TPT1: variants seen among roughly 807,000 people sequenced by gnomAD.
TPT1 encodes the protein translationally-controlled tumor protein.
TPT1 carries 5 observed loss-of-function variants against 22.8 expected under a neutral mutation model. That is an observed-to-expected ratio of 0.22 (90% CI 0.11 to 0.46). The LOEUF is 0.46. Ranked by LOEUF, TPT1 falls within the 20% of genes least tolerant of loss-of-function variation. The probability of loss-of-function intolerance (pLI) is 0.99; values close to 1 mark genes in which losing one functional copy is unlikely to be tolerated. For synonymous variants in TPT1, 89 were observed against 73.6 expected (o/e 1.21, Z -1.07); for missense variants, 130 against 218.7 (o/e 0.59, Z 2.56).
intron 5 of TPT1, chr13:45,338,422 A>C (rs955810719): frequency 2.3e-5 from 17 of 725,680 alleles, no homozygotes; most frequent in Admixed American, 3.9e-5. Flanking sequence ...CCCAGCCTAA[A>C]CTGTACTTTA....
chr13:45,339,275 G>A (rs1225098225), intron 4 of TPT1: 4 of 427,080 alleles, frequency 9.4e-6, no homozygotes, highest in Admixed American at 4.1e-5. Context: ...AAAACTGAAA[G>A]AACACTTAGG....
At chr13:45,337,694 T>C (rs908187894) in intron 5 of TPT1, 2 of 798,880 alleles carry the variant, frequency 2.5e-6, no homozygotes, top group Non-Finnish European at 4.2e-6. Flanking sequence ...AACAAAAACC[T>C]CAGATACTGT....
In TPT1 at chr13:45,335,168, C is replaced by T. The variant is rs575600596; in HGVS notation, c.*2218G>A. ...CAAAACGTCTTGACCCTAGGAATAA[C>T]GAGAAAAAGATATAAAATGAGACAG... On this transcript the variant is annotated 3_prime_UTR_variant, in exon 6 of 6. Transcript: ENST00000530705. 10 of 152,068 alleles carry T rather than the reference C, an allele frequency of 6.6e-5. No homozygotes were observed. The highest frequency in any genetic ancestry group is 2.0e-4 in the Admixed American group (3 of 15,276). The allele number at this position is 152,068 out of a possible 1,614,324, so 9.4% of individuals were successfully genotyped here.
intron 1 of TPT1, 120 bp downstream of exon 1, chr13:45,340,922 C>G: frequency 2.0e-6 from 3 of 1,524,556 alleles, no homozygotes. Flanking sequence ...GCACCGACCC[C>G]TCCGCGCTCG....
intron 4 of TPT1, 79 bp downstream of exon 4, chr13:45,339,418 T>A (rs553357605): frequency 7.6e-7 from 1 of 1,307,972 alleles, no homozygotes; most frequent in African/African-American, 1.5e-5. Context: ...TAGTATAGAA[T>A]TGAAGATTAA....
In TPT1 at chr13:45,341,178, G is replaced by A. The variant is rs1253724647; in HGVS notation, c.-109C>T. 3 of 1,461,420 alleles carry A rather than the reference G, an allele frequency of 2.1e-6. No individual in the cohort carries two copies. The highest frequency in any genetic ancestry group is 2.8e-6 in the Non-Finnish European group (3 of 1,065,730). 90.5% of individuals were successfully genotyped at this position (1,461,420 alleles called of 1,614,324 possible). ...GCTCGGGGGGAGGGGGGAGCGGGCG[G>A]AAAAGGCCGACTCAGCCGCTCCCCA... On this transcript the variant is annotated 5_prime_UTR_variant, in exon 1 of 6. Coordinates refer to ENST00000530705, the MANE Select transcript of TPT1 (RefSeq NM_003295.4).
At chr13:45,337,434 C>T in intron 5 of TPT1, 46 bp from the exon 6 acceptor site, 2 of 1,614,130 alleles carry the variant, frequency 1.2e-6, no homozygotes, top group Non-Finnish European at 1.7e-6. Context: ...CATTACACTG[C>T]AAAAGTTACA....
At chr13:45,340,999 GACCCCCGTGT>G in intron 1 of TPT1, 33 bp downstream of exon 1, 1 of 1,598,492 alleles carries the variant, frequency 6.3e-7, no homozygotes, top group Non-Finnish European at 8.5e-7. Context: ...CCGCACCCCA[GACCCCCGTGT>G]GCGGCAGTAA....
intron 2 of TPT1, 140 bp downstream of exon 2, chr13:45,340,572 C>G (rs978372954): frequency 2.8e-6 from 3 of 1,080,008 alleles, no homozygotes; most frequent in African/African-American, 1.6e-5. Context: ...CTCCAGTTTT[C>G]TAGAAAAACC....
At position 45,336,385 on chromosome 13, in the gene TPT1, G is replaced by C. The variant is rs1011126383; in HGVS notation, c.*1001C>G. 3.3e-5 allele frequency: 5 copies of C among 152,166 alleles called. No individual in the cohort carries two copies. The highest frequency in any genetic ancestry group is 1.3e-4 in the Admixed American group (2 of 15,278). 9.4% of individuals were successfully genotyped at this position (152,166 alleles called of 1,614,324 possible). The stretch of plus-strand genomic sequence containing the variant: ...GAAAGCGCAAGGACATGTTCTTCTT[G>C]CATCTGTGGTGGAAACCATAGCAGC... On this transcript the variant is annotated 3_prime_UTR_variant, in exon 6 of 6. Transcript: ENST00000530705.
At position 45,337,757 on chromosome 13, in the gene TPT1, T is replaced by C. The variant is rs149299436; in HGVS notation, c.517-369A>G. 3.1e-3 allele frequency: 1,811 copies of C among 593,618 alleles called. 6 individuals are homozygous for C. The highest frequency in any genetic ancestry group is 8.0e-3 in the Admixed American group (257 of 32,104). The allele number at this position is 593,618 out of a possible 1,614,324, so 36.8% of individuals were successfully genotyped here. On this transcript the variant is annotated intron_variant, in intron 5 of 5. Transcript: ENST00000530705. ...TATACTGTTCTAAGTAATTTCTGTCTACTGTTGACTCTAATCTTGTTCAGT... is the reference window on the plus strand; with the variant it reads ...TATACTGTTCTAAGTAATTTCTGTCCACTGTTGACTCTAATCTTGTTCAGT...
rs1241342421 is a variant in TPT1 at position 45,334,422 on chromosome 13, ACT to A, written c.*2962_*2963del. Reference sequence around the variant, plus strand: ...TTTCAATGTCTATTGTTATCTTTCCACTCTCTATATAGTTCTCCAGCTTAGAC... The same window carrying A: ...TTTCAATGTCTATTGTTATCTTTCCACTCTATATAGTTCTCCAGCTTAGAC... On this transcript the variant is annotated 3_prime_UTR_variant, in exon 6 of 6. Transcript: ENST00000530705. 2 of 151,844 alleles carry A rather than the reference ACT, an allele frequency of 1.3e-5. No individual in the cohort carries two copies. The highest frequency in any genetic ancestry group is 2.4e-5 in the African/African-American group (1 of 41,294). The allele number at this position is 151,844 out of a possible 1,614,324, so 9.4% of individuals were successfully genotyped here.
At chr13:45,339,962 G>T in intron 3 of TPT1, 32 bp downstream of exon 3, 1 of 1,607,170 alleles carries the variant, frequency 6.2e-7, no homozygotes, top group Non-Finnish European at 8.5e-7. Flanking sequence ...TAAGATTCTA[G>T]ACATCAGCTA....
chr13:45,337,513 A>G (rs756281034), intron 5 of TPT1, 125 bp from the exon 6 acceptor site: 21 of 1,613,948 alleles, frequency 1.3e-5, no homozygotes, highest in Non-Finnish European at 1.7e-5. Context: ...GGGCCGCCAC[A>G]AAGACAGACA....
At position 45,333,789 on chromosome 13, in the gene TPT1, TAGTCA is replaced by T. The variant is rs1450952673; in HGVS notation, c.*3592_*3596del. ...CTTTCCCACTAGTGAAATCCAACGG[TAGTCA>T]AGTTTACCACTATCAGGCCTCATAT... is the stretch of plus-strand genomic sequence containing the variant. On this transcript the variant is annotated 3_prime_UTR_variant, in exon 6 of 6. Transcript: ENST00000530705. 1 of 152,152 alleles carries T rather than the reference TAGTCA, an allele frequency of 6.6e-6. No homozygotes were observed. The highest frequency in any genetic ancestry group is 1.5e-5 in the Non-Finnish European group (1 of 68,034). The allele number at this position is 152,152 out of a possible 1,614,324, so 9.4% of individuals were successfully genotyped here. A position where few individuals can be genotyped will look rare whatever the true frequency, so the allele number is the denominator to read the frequency against.
rs768475874 is a variant in TPT1, at chr13:45,340,718, C to T, written c.96G>A (p.Glu32=). ...GCAGGCCCGACCGACTCACCTTCCC[C>T]TCCACCTCCAGGCACAACCCGTCCG... ...EIADGLCLEV[E]GKMVSRTEGN... Residue 32 remains glutamate (E), a synonymous_variant, in exon 2 of 6, where the codon GAG becomes GAA. Coordinates refer to ENST00000530705, the MANE Select transcript of TPT1 (RefSeq NM_003295.4). 1 of 1,537,798 alleles carries T rather than the reference C, an allele frequency of 6.5e-7. No individual in the cohort carries two copies. Among genetic ancestry groups the T allele is most frequent in the Non-Finnish European group, 8.7e-7 (1 of 1,143,734 alleles).
rs1030291420 is a variant in TPT1, at chr13:45,336,346, C to A, written c.*1040G>T. 3 of 151,626 alleles carry A rather than the reference C, an allele frequency of 2.0e-5. No homozygotes were observed. The highest frequency in any genetic ancestry group is 3.0e-5 in the Non-Finnish European group (2 of 67,618). 9.4% of individuals were successfully genotyped at this position (151,626 alleles called of 1,614,324 possible). A position where few individuals can be genotyped will look rare whatever the true frequency, so the allele number is the denominator to read the frequency against. ...TTCCTCTATTCAATCTCAGCTGCCA[C>A]AATTAGACAGACGGAAAGCGCAAGG... On this transcript the variant is annotated 3_prime_UTR_variant, in exon 6 of 6. Transcript: ENST00000530705.
At chr13:45,340,494 T>A (rs1039496269) in intron 2 of TPT1, 2 of 750,444 alleles carry the variant, frequency 2.7e-6, no homozygotes, top group Non-Finnish European at 4.7e-6. Flanking sequence ...GGAAGCATCA[T>A]GTCCCGGACA....
rs953646811 is a variant in TPT1, at chr13:45,337,109, C to T, written c.*277G>A. On this transcript the variant is annotated 3_prime_UTR_variant, in exon 6 of 6. Transcript: ENST00000530705. ...GTAGTAGCCTACAATCAGGCTCTAG[C>T]TTCTCCAGGAACACTACAGGATCAA... 2.0e-6 allele frequency: 1 copy of T among 489,400 alleles called. No individual in the cohort carries two copies. Among genetic ancestry groups the T allele is most frequent in the Admixed American group, 3.7e-5 (1 of 26,896 alleles). The allele number at this position is 489,400 out of a possible 1,614,324, so 30.3% of individuals were successfully genotyped here.
Sources: allele counts gnomAD v4.1 joint callset, GRCh38; gene constraint gnomAD v4.1.1; transcripts MANE v1.5; gene names NCBI Gene and HGNC (gene_info 2026-07-23, HGNC 2026-07-21).